SYNDIG1: variants seen among roughly 807,000 people sequenced by gnomAD.
SYNDIG1 encodes the protein synapse differentiation inducing 1, also known as synapse differentiation-inducing gene protein 1.
A neutral mutation model predicts 19.4 loss-of-function variants in SYNDIG1; 9 were observed. That is an observed-to-expected ratio of 0.46 (90% confidence interval 0.28 to 0.81). The LOEUF (loss-of-function observed/expected upper bound fraction) is 0.81. SYNDIG1 is among the 30% of genes least tolerant of loss of function. SYNDIG1 has a pLI of 0.12. For synonymous variants in SYNDIG1, 141 were observed against 145.9 expected, an observed-to-expected ratio of 0.97 and a Z score of 0.24; for missense variants, 311 against 343.3, an observed-to-expected ratio of 0.91 and a Z score of 0.74.
intron 3 of SYNDIG1, among the ~76,000 whole-genome samples, chr20:24,662,310 T>C (rs1186673266): frequency 2.0e-5 from 3 of 152,044 alleles, no homozygotes; most frequent in Admixed American, 6.5e-5. Context: ...ACTTTTACTC[T>C]TCAATTTAAA....
chr20:24,526,302 A>T, intron 1 of SYNDIG1, among the ~76,000 whole-genome samples: 1 of 149,744 alleles, frequency 6.7e-6, no homozygotes, highest in Non-Finnish European at 1.5e-5. Context: ...TTTTTTTCTT[A>T]CCTCTTTTTA....
At chr20:24,556,156 T>C (rs986431780) in intron 2 of SYNDIG1, among the ~76,000 whole-genome samples, 2 of 152,170 alleles carry the variant, frequency 1.3e-5, no homozygotes, top group African/African-American at 4.8e-5. Flanking sequence ...TCCATTTGCT[T>C]GGTAGATCTT....
intron 3 of SYNDIG1, among the ~76,000 whole-genome samples, chr20:24,598,419 G>A (rs2058629016): frequency 6.6e-6 from 1 of 152,246 alleles, no homozygotes; most frequent in South Asian, 2.1e-4. Context: ...CTGTTTCACA[G>A]AAAGTTTACA....
At chr20:24,558,068 C>T (rs1275695081) in intron 2 of SYNDIG1, among the ~76,000 whole-genome samples, 2 of 152,114 alleles carry the variant, frequency 1.3e-5, no homozygotes, top group African/African-American at 4.8e-5. Flanking sequence ...AACAGGAACT[C>T]TGGAGGGACA....
chr20:24,544,754 C>T (rs1045184203), intron 2 of SYNDIG1, among the ~76,000 whole-genome samples: 3 of 152,122 alleles, frequency 2.0e-5, no homozygotes, highest in Admixed American at 6.5e-5. Flanking sequence ...GCCAGAGAAG[C>T]TCCTGGGGTG....
At chr20:24,567,503 C>T (rs937656499) in intron 2 of SYNDIG1, among the ~76,000 whole-genome samples, 5 of 152,188 alleles carry the variant, frequency 3.3e-5, no homozygotes, top group Non-Finnish European at 7.3e-5. Context: ...CTGGGTCCCC[C>T]GTCACTCTGG....
chr20:24,610,619 C>A (rs1293708926), intron 3 of SYNDIG1, among the ~76,000 whole-genome samples: 1 of 152,180 alleles, frequency 6.6e-6, no homozygotes, highest in Non-Finnish European at 1.5e-5. Flanking sequence ...AGGTATCTTG[C>A]AAGTAACACT....
At chr20:24,531,501 T>G (rs1319311471) in intron 1 of SYNDIG1, among the ~76,000 whole-genome samples, 1 of 152,216 alleles carries the variant, frequency 6.6e-6, no homozygotes, top group Non-Finnish European at 1.5e-5. Flanking sequence ...CCAGTTTTTC[T>G]GTATTTCTTT....
intron 3 of SYNDIG1, among the ~76,000 whole-genome samples, chr20:24,620,349 G>C (rs1198378541): frequency 1.3e-5 from 2 of 152,146 alleles, no homozygotes; most frequent in Admixed American, 1.3e-4. Context: ...AAGGCTGGGG[G>C]GTGACCTGAC....
intron 2 of SYNDIG1, among the ~76,000 whole-genome samples, chr20:24,572,557 C>T (rs2078039098): frequency 6.6e-6 from 1 of 152,186 alleles, no homozygotes; most frequent in South Asian, 2.1e-4. Context: ...ATTCTTCCCA[C>T]TCTGGAGTAA....
intron 1 of SYNDIG1, among the ~76,000 whole-genome samples, chr20:24,508,012 T>A (rs1414495927): frequency 6.6e-6 from 1 of 152,086 alleles, no homozygotes; most frequent in East Asian, 1.9e-4. Context: ...AGAGGACCAC[T>A]GCAGGCCAAA....
At chr20:24,521,477 C>T (rs1298214656) in intron 1 of SYNDIG1, among the ~76,000 whole-genome samples, 2 of 152,110 alleles carry the variant, frequency 1.3e-5, no homozygotes, top group African/African-American at 4.8e-5. Flanking sequence ...TGTCTTCCAC[C>T]GTGGCCACTC....
intron 1 of SYNDIG1, among the ~76,000 whole-genome samples, chr20:24,475,199 ATGGG>A (rs2055583513): frequency 6.6e-6 from 1 of 152,206 alleles, no homozygotes; most frequent in Admixed American, 6.5e-5. Flanking sequence ...GAAGATGCTA[ATGGG>A]ATTAAGTCCT....
Position 24,635,623 on chromosome 20 carries a change from A to G in SYNDIG1, c.619-29723A>G, listed in dbSNP as rs78411621. On this transcript the variant is annotated intron_variant, in intron 3 of 3. Coordinates refer to ENST00000376862, the MANE Select transcript of SYNDIG1 (RefSeq NM_024893.3). ...TCTTGATGAGGAGGCCGACTAAAGGAGTACCTTTTTATAAGCTTTTTTTAC... is the reference window on the plus strand; with the variant it reads ...TCTTGATGAGGAGGCCGACTAAAGGGGTACCTTTTTATAAGCTTTTTTTAC... Among the ~76,000 whole-genome samples the G allele has an allele frequency of 1.7e-3, 254 of 152,322 alleles. 3 individuals carry two copies. Among genetic ancestry groups the G allele is most frequent in the African/African-American group, 5.8e-3 (243 of 41,564 alleles).
intron 1 of SYNDIG1, among the ~76,000 whole-genome samples, chr20:24,470,580 G>C (rs2055404941): frequency 6.6e-6 from 1 of 152,044 alleles, no homozygotes; most frequent in African/African-American, 2.4e-5. Context: ...GCACTCTCTG[G>C]GCAGTGAGGA....
rs149518028 is a variant in SYNDIG1 at position 24,478,272 on chromosome 20, G to T, written c.-79+8519G>T. Among the ~76,000 whole-genome samples the T allele has an allele frequency of 1.1e-3, 164 of 152,372 alleles. 2 individuals carry two copies. Among genetic ancestry groups the T allele is most frequent in the African/African-American group, 3.7e-3 (154 of 41,592 alleles). ...TTATTGCTTCGGTGTCTGTCTCAGGGACCAGAGTGGCAGCGCCAGGCAGGG... is the reference window on the plus strand; with the variant it reads ...TTATTGCTTCGGTGTCTGTCTCAGGTACCAGAGTGGCAGCGCCAGGCAGGG... On this transcript the variant is annotated intron_variant, in intron 1 of 3. Transcript: ENST00000376862.
In SYNDIG1 at chr20:24,543,234, C is replaced by T. The variant is rs1291505289; in HGVS notation, c.137C>T (p.Pro46Leu). 6.2e-7 allele frequency: 1 copy of T among 1,613,852 alleles called. No individual in the cohort carries two copies. Among genetic ancestry groups the T allele is most frequent in the African/African-American group, 1.3e-5 (1 of 75,002 alleles). The change falls in exon 2 of 4, where the codon CCC becomes CTC. Residue 46 changes from proline (P) to leucine (L), a missense_variant. Physicochemically the swap from Pro to Leu is moderately conservative, Grantham distance 98. Coordinates refer to ENST00000376862, the MANE Select transcript of SYNDIG1 (RefSeq NM_024893.3). ...RDGLVSVYPA[P>L]QYQSHRVGAS... ...GGTCTGGTGTCTGTTTACCCAGCGC[C>T]CCAGTACCAGAGCCACCGGGTGGGG...
intron 1 of SYNDIG1, among the ~76,000 whole-genome samples, chr20:24,518,082 G>C (rs1342961223): frequency 1.3e-5 from 2 of 151,716 alleles, no homozygotes; most frequent in Admixed American, 1.3e-4. Context: ...CTGTTTTTTA[G>C]GACTTTGAGG....
At chr20:24,512,629 C>A (rs1382583465) in intron 1 of SYNDIG1, among the ~76,000 whole-genome samples, 2 of 152,124 alleles carry the variant, frequency 1.3e-5, no homozygotes, top group Non-Finnish European at 2.9e-5. Context: ...AGTAGGTAAA[C>A]AAAGCTGGGA....
Sources: allele counts gnomAD v4.1 joint callset (sites outside exome capture counted in the v4.1 genomes callset), GRCh38; gene constraint gnomAD v4.1.1; transcripts MANE v1.5; gene names NCBI Gene and HGNC (gene_info 2026-07-23, HGNC 2026-07-21).